SULT6B1: variants seen among roughly 807,000 people sequenced by gnomAD.
The protein encoded by SULT6B1 is sulfotransferase family 6B member 1, also known as sulfotransferase 6B1.
SULT6B1 carries 44 observed loss-of-function variants against 37.2 expected under a neutral mutation model. The ratio of observed to expected loss-of-function variants is 1.18; its 90% CI spans 0.93 to 1.52. The LOEUF is 1.52. Ranked by LOEUF, SULT6B1 falls within the 40% of genes most tolerant of loss-of-function variation. The probability of loss-of-function intolerance (pLI) is 0.00; values close to 1 mark genes in which losing one functional copy is unlikely to be tolerated. For synonymous variants in SULT6B1, 140 were observed against 126.0 expected, an observed-to-expected ratio of 1.11 and a Z score of -0.74; for missense variants, 450 against 361.0, an observed-to-expected ratio of 1.25 and a Z score of -2.00.
At chr2:37,176,594 T>C (rs561006807) in intron 4 of SULT6B1, among the ~76,000 whole-genome samples, 1 of 152,268 alleles carries the variant, frequency 6.6e-6, no homozygotes, top group East Asian at 1.9e-4. Flanking sequence ...AATATCATAG[T>C]TATTATCATG....
At chr2:37,193,607 A>T, upstream of SULT6B1, among the ~76,000 whole-genome samples, 1 of 126,302 alleles carries the variant, frequency 7.9e-6, no homozygotes, top group Admixed American at 7.6e-5. Context: ...AAAGAAGAAG[A>T]AGAAGAAGAA....
intron 6 of SULT6B1, among the ~76,000 whole-genome samples, chr2:37,170,737 C>CAAAAAAAAAAAAAAAAAAAAAAAAA (rs10617061): frequency 1.1e-5 from 1 of 94,054 alleles, no homozygotes; most frequent in Non-Finnish European, 2.1e-5. Context: ...GATTCTGTCT[C>CAAAAAAAAAAAAAAAAAAAAAAAAA]AAAAAAAAAA....
Position 37,168,012 on chromosome 2 carries a change from C to A in SULT6B1, c.835G>T (p.Asp279Tyr). 3.1e-6 allele frequency: 5 copies of A among 1,601,610 alleles called. No individual in the cohort carries two copies. Among genetic ancestry groups the A allele is most frequent in the Non-Finnish European group, 4.2e-6 (5 of 1,177,268 alleles). ...GCTAAGCACTCTTTGAATTTTTCAT[C>A]CATTTCCTGGTTCTGAATTTCACTG... ...LFSEIQNQEM[D>Y]EKFKECLAGT... The change falls in exon 7 of 7, where the codon GAT (aspartate) becomes TAT (tyrosine). Residue 279 changes from aspartate to tyrosine, a missense_variant. Transcript: ENST00000535679.
chr2:37,180,248 T>C (rs1274090125), intron 3 of SULT6B1, among the ~76,000 whole-genome samples: 1 of 152,236 alleles, frequency 6.6e-6, no homozygotes, highest in Non-Finnish European at 1.5e-5. Context: ...TCCAGCATGT[T>C]CCTGAATTCC....
Position 37,184,693 on chromosome 2 carries a change from G to C in SULT6B1, c.313-1179C>G, listed in dbSNP as rs141429192. Among the ~76,000 whole-genome samples, 661 of 152,278 alleles carry C rather than the reference G, an allele frequency of 4.3e-3. 5 individuals carry two copies. Among genetic ancestry groups the C allele is most frequent in the African/African-American group, 0.015 (628 of 41,556 alleles). ...TAAAAATACAAAAAATTAGCTGGGC[G>C]TGGTGGTGCACACCTGTAGTCCCAG... is the stretch of plus-strand genomic sequence containing the variant. On this transcript the variant is annotated intron_variant, in intron 2 of 6. Transcript: ENST00000535679.
chr2:37,192,171 T>C (rs1041877527), upstream of SULT6B1, among the ~76,000 whole-genome samples: 1 of 152,250 alleles, frequency 6.6e-6, no homozygotes, highest in African/African-American at 2.4e-5. Context: ...AACAGCATTT[T>C]GGGACAAATA....
chr2:37,191,499 G>C (rs78861452), upstream of SULT6B1, among the ~76,000 whole-genome samples: 1 of 152,188 alleles, frequency 6.6e-6, no homozygotes, highest in Non-Finnish European at 1.5e-5. Context: ...GTTGGCTGCA[G>C]GCACGAGCAG....
At chr2:37,168,300 T>C (rs1300034121) in intron 6 of SULT6B1, among the ~76,000 whole-genome samples, 1 of 152,122 alleles carries the variant, frequency 6.6e-6, no homozygotes, top group East Asian at 1.9e-4. Flanking sequence ...TAGCTGGGAT[T>C]ACCGGCGCCC....
At chr2:37,186,970 G>C (rs1179840201) in intron 2 of SULT6B1, among the ~76,000 whole-genome samples, 1 of 152,208 alleles carries the variant, frequency 6.6e-6, no homozygotes, top group Non-Finnish European at 1.5e-5. Context: ...TGTCTTCAGA[G>C]ATGAGACTTT....
chr2:37,175,366 C>A, intron 4 of SULT6B1, 140 bp from the exon 5 acceptor site: 1 of 413,926 alleles, frequency 2.4e-6, no homozygotes, highest in East Asian at 3.7e-5. Flanking sequence ...TCCCTGCCAC[C>A]AAAAAGCTGA....
intron 1 of SULT6B1, chr2:37,196,074 A>C (rs1676918610): frequency 6.6e-6 from 1 of 152,160 alleles, no homozygotes; most frequent in African/African-American, 2.4e-5. Context: ...TGATCCTCCC[A>C]TCTAGGCCTC....
chr2:37,188,298 A>G (rs1443264237), intron 1 of SULT6B1, 144 bp downstream of exon 1: 1 of 632,024 alleles, frequency 1.6e-6, no homozygotes, highest in Non-Finnish European at 2.8e-6. Flanking sequence ...CAACCTACGT[A>G]CTTAACCACT....
intron 4 of SULT6B1, among the ~76,000 whole-genome samples, chr2:37,175,904 C>T (rs1010448279): frequency 6.6e-6 from 1 of 152,146 alleles, no homozygotes; most frequent in Admixed American, 6.6e-5. Flanking sequence ...TATTCACATA[C>T]GCAACTTATT....
intron 1 of SULT6B1, among the ~76,000 whole-genome samples, chr2:37,194,133 T>C (rs747686358): frequency 1.3e-5 from 2 of 152,234 alleles, no homozygotes; most frequent in Non-Finnish European, 2.9e-5. Flanking sequence ...TTTGATGTAG[T>C]TGAAGATTCA....
intron 4 of SULT6B1, among the ~76,000 whole-genome samples, chr2:37,177,184 C>T (rs13008982): frequency 6.6e-6 from 1 of 151,730 alleles, no homozygotes; most frequent in Non-Finnish European, 1.5e-5. Context: ...GGAGGGAGGA[C>T]ATTATGTTAA....
At chr2:37,187,939 G>A (rs777708658) in intron 1 of SULT6B1, among the ~76,000 whole-genome samples, 8 of 152,176 alleles carry the variant, frequency 5.3e-5, no homozygotes, top group Non-Finnish European at 8.8e-5. Flanking sequence ...GTAGAAAGCA[G>A]GATCATCTAG....
At position 37,172,928 on chromosome 2, in the gene SULT6B1, C is replaced by A. The variant is rs539966382; in HGVS notation, c.625-1338G>T. ...AGTGCAATGGCACAATATCAGCTCA[C>A]TGCAACCTCCACCTCCTGGGTTCAA... On this transcript the variant is annotated intron_variant, in intron 5 of 6. Transcript: ENST00000535679. 1.4e-4 allele frequency among the ~76,000 whole-genome samples: 21 copies of A among 152,254 alleles called. No homozygotes were observed. The South Asian group carries it at 4.3e-3, about 32-fold the overall frequency.
At chr2:37,169,572 C>T (rs1386391897) in intron 6 of SULT6B1, among the ~76,000 whole-genome samples, 2 of 152,138 alleles carry the variant, frequency 1.3e-5, no homozygotes, top group African/African-American at 4.8e-5. Context: ...TCACTGCAAC[C>T]TCCACCTCCC....
At chr2:37,172,909 A>G (rs2148286238) in intron 5 of SULT6B1, among the ~76,000 whole-genome samples, 2 of 143,626 alleles carry the variant, frequency 1.4e-5, no homozygotes, top group African/African-American at 5.2e-5. Flanking sequence ...CTGGAGTGCA[A>G]TGGCACAATA....
Sources: allele counts gnomAD v4.1 joint callset (sites outside exome capture counted in the v4.1 genomes callset), GRCh38; gene constraint gnomAD v4.1.1; transcripts MANE v1.5; gene names NCBI Gene and HGNC (gene_info 2026-07-23, HGNC 2026-07-21).